Variants in RBFOX2 observed in about 807,000 individuals in gnomAD.
RBFOX2 encodes the protein RNA binding fox-1 homolog 2.
RBFOX2 carries 10 observed loss-of-function variants against 49.1 expected under a neutral mutation model. That is an observed-to-expected ratio of 0.20 (90% CI 0.13 to 0.35). The LOEUF (loss-of-function observed/expected upper bound fraction) is 0.35, where lower values mean the gene tolerates loss of function less well. Ranked by LOEUF, RBFOX2 falls within the 10% of genes least tolerant of loss-of-function variation. RBFOX2 has a pLI of 1.00. For missense variants in RBFOX2, 323 were observed against 486.9 expected (o/e 0.66, Z 3.17); for synonymous variants, 183 against 187.4 (o/e 0.98, Z 0.19).
At chr22:35,786,276 G>A (rs1325328626) in intron 2 of RBFOX2, among the ~76,000 whole-genome samples, 1 of 152,128 alleles carries the variant, frequency 6.6e-6, no homozygotes, top group East Asian at 1.9e-4. Context: ...GGTTAATTTT[G>A]CAGCTTGTAG....
chr22:35,780,443 C>G (rs147478719), intron 3 of RBFOX2, among the ~76,000 whole-genome samples: 312 of 152,022 alleles, frequency 2.1e-3, no homozygotes, highest in Non-Finnish European at 3.4e-3. Context: ...CAATAACAAG[C>G]AGGCTCAGAA....
chr22:35,861,922 CA>C (rs1488320415), intron 1 of RBFOX2, among the ~76,000 whole-genome samples: 2 of 152,172 alleles, frequency 1.3e-5, no homozygotes, highest in African/African-American at 4.8e-5. Flanking sequence ...CATATATCCA[CA>C]ATTACTACTA....
At chr22:35,765,454 G>A in exon 6 of RBFOX2, 1 of 1,521,196 alleles carries the variant, frequency 6.6e-7, no homozygotes, top group Non-Finnish European at 9.1e-7. Flanking sequence ...TCTTCTTATT[G>A]GTCATTACAC....
chr22:35,867,936 C>T (rs2043878064), intron 1 of RBFOX2, among the ~76,000 whole-genome samples: 1 of 152,156 alleles, frequency 6.6e-6, no homozygotes, highest in Non-Finnish European at 1.5e-5. Flanking sequence ...TTCTGCCAGG[C>T]ACAGTGGCTC....
chr22:35,969,342 G>A (rs539463960), intron 1 of RBFOX2, among the ~76,000 whole-genome samples: 2 of 152,262 alleles, frequency 1.3e-5, no homozygotes, highest in East Asian at 3.9e-4. Context: ...GGAGGCCAAG[G>A]CAGGTGGATC....
chr22:35,780,745 G>T (rs1338023664), intron 3 of RBFOX2, among the ~76,000 whole-genome samples: 1 of 152,156 alleles, frequency 6.6e-6, no homozygotes, highest in East Asian at 1.9e-4. Context: ...TTATAAATAT[G>T]ATATTTAAAT....
chr22:35,768,217 A>G (rs757537027), intron 5 of RBFOX2, 40 bp downstream of exon 6: 1 of 1,594,436 alleles, frequency 6.3e-7, no homozygotes, highest in Non-Finnish European at 8.6e-7. Flanking sequence ...AAAGAGAAAT[A>G]AAAATATAAA....
intron 1 of RBFOX2, among the ~76,000 whole-genome samples, chr22:36,007,807 A>T (rs2058673128): frequency 6.6e-6 from 1 of 152,122 alleles, no homozygotes; most frequent in Non-Finnish European, 1.5e-5. Flanking sequence ...TTCACAATTG[A>T]TATATTTAAA....
intron 1 of RBFOX2, among the ~76,000 whole-genome samples, chr22:35,983,222 A>G (rs919432858): frequency 7.2e-5 from 11 of 152,170 alleles, no homozygotes; most frequent in Non-Finnish European, 2.9e-5. Flanking sequence ...GCACCTGCCC[A>G]ATCTGCCCTC....
At chr22:35,761,724 G>A (rs1371755175) in intron 6 of RBFOX2, among the ~76,000 whole-genome samples, 1 of 152,086 alleles carries the variant, frequency 6.6e-6, no homozygotes, top group South Asian at 2.1e-4. Context: ...GAGAGGGAAT[G>A]AGAGGAGAAA....
chr22:35,796,750 G>A (rs925972759), intron 2 of RBFOX2, among the ~76,000 whole-genome samples: 23 of 152,062 alleles, frequency 1.5e-4, no homozygotes, highest in Non-Finnish European at 2.2e-4. Flanking sequence ...ACTGAGTTAC[G>A]GAGCTCTTTC....
intron 2 of RBFOX2, among the ~76,000 whole-genome samples, chr22:35,792,264 C>T (rs60942472): frequency 1.5e-4 from 21 of 137,228 alleles, no homozygotes; most frequent in Admixed American, 1.1e-3. Context: ...TGCAGTGAGC[C>T]GAGATTATGC....
chr22:35,758,670 A>G (rs1424398014), intron 9 of RBFOX2, among the ~76,000 whole-genome samples: 1 of 152,248 alleles, frequency 6.6e-6, no homozygotes, highest in Admixed American at 6.5e-5. Context: ...ATGTGATTTA[A>G]ATGTCTACAA....
chr22:35,853,675 G>GTGTGTA (rs2042205547), intron 1 of RBFOX2, among the ~76,000 whole-genome samples: 1 of 116,856 alleles, frequency 8.6e-6, no homozygotes. Context: ...GTGTGTGTGT[G>GTGTGTA]TGTGTGTGTG....
chr22:36,028,720 C>CCGCCG (rs1240962142), exon 1 of RBFOX2, among the ~76,000 whole-genome samples: 1 of 151,456 alleles, frequency 6.6e-6, no homozygotes, highest in Non-Finnish European at 1.5e-5. Context: ...CCGGCCCGGC[C>CCGCCG]CGCCGCGCCG....
chr22:35,925,221 TA>T (rs1033004457), intron 1 of RBFOX2, among the ~76,000 whole-genome samples: 2 of 149,402 alleles, frequency 1.3e-5, no homozygotes, highest in African/African-American at 4.9e-5. Context: ...TAAAAAAATT[TA>T]AAAAAAAAGT....
chr22:35,818,302 A>G (rs948901620), intron 1 of RBFOX2, among the ~76,000 whole-genome samples: 2 of 152,248 alleles, frequency 1.3e-5, no homozygotes, highest in Non-Finnish European at 2.9e-5. Context: ...TTGGAAATGG[A>G]AGGCCCTTAC....
chr22:35,943,635 A>T (rs2053936523), upstream of RBFOX2, among the ~76,000 whole-genome samples: 1 of 152,206 alleles, frequency 6.6e-6, no homozygotes, highest in African/African-American at 2.4e-5. Flanking sequence ...GCGGTGGCTC[A>T]CGCCTGTAAT....
chr22:35,897,528 G>T, intron 1 of RBFOX2: 1 of 826,126 alleles, frequency 1.2e-6, no homozygotes, highest in South Asian at 1.3e-5. Context: ...CAAGGGGTAC[G>T]GGAGGAAGTA....
Sources: gnomAD v4.1 joint callset for allele counts (sites outside exome capture counted in the v4.1 genomes callset) on GRCh38, gnomAD v4.1.1 for gene constraint, MANE v1.5 for transcripts, NCBI Gene and HGNC (gene_info 2026-07-23, HGNC 2026-07-21) for gene names.